LTBP1: variants seen among roughly 807,000 people sequenced by gnomAD.
LTBP1 encodes the protein latent-transforming growth factor beta-binding protein 1.
Under a neutral mutation model 207.6 loss-of-function variants are expected in LTBP1, and 129 were observed. The ratio of observed to expected loss-of-function variants is 0.62; its 90% CI spans 0.54 to 0.72. The LOEUF (loss-of-function observed/expected upper bound fraction) is 0.72. Ranked by LOEUF, LTBP1 falls within the 30% of genes least tolerant of loss-of-function variation. The pLI is 0.00. For synonymous variants in LTBP1, 963 were observed against 833.7 expected, an observed-to-expected ratio of 1.16 and a Z score of -2.67; for missense variants, 2,281 against 2,217.2, an observed-to-expected ratio of 1.03 and a Z score of -0.58.
chr2:32,947,347 G>T lies in LTBP1; in HGVS notation c.23G>T (p.Trp8Leu). The T allele has an allele frequency of 7.9e-7, 1 of 1,262,974 alleles. No individual in the cohort carries two copies. Among genetic ancestry groups the T allele is most frequent in the South Asian group, 2.7e-5 (1 of 37,144 alleles). The allele number at this position is 1,262,974 out of a possible 1,614,324, so 78.2% of individuals were successfully genotyped here. Residue 8 changes from tryptophan to leucine, a missense_variant, in exon 1 of 34, where the codon TGG (tryptophan) becomes TTG (leucine). Coordinates refer to ENST00000404816, the MANE Select transcript of LTBP1 (RefSeq NM_206943.4). The stretch of plus-strand genomic sequence containing the variant: ...GCGATGGCGGGGGCCTGGCTCAGGT[G>T]GGGGCTCCTGCTCTGGGCAGGGCTC... MAGAWLR[W>L]GLLLWAGLLA...
intron 3 of LTBP1, among the ~76,000 whole-genome samples, chr2:33,064,546 G>A (rs1253678151): frequency 2.0e-5 from 3 of 152,192 alleles, no homozygotes; most frequent in Non-Finnish European, 2.9e-5. Context: ...TCGTGTAGTA[G>A]GTTTGTGTCG....
At chr2:33,041,913 A>T (rs950981289) in intron 3 of LTBP1, among the ~76,000 whole-genome samples, 2 of 152,180 alleles carry the variant, frequency 1.3e-5, no homozygotes, top group Admixed American at 1.3e-4. Context: ...CCTTTACAGG[A>T]TACTACCAAA....
chr2:32,965,860 A>G (rs994819749), intron 2 of LTBP1, among the ~76,000 whole-genome samples: 3 of 152,204 alleles, frequency 2.0e-5, no homozygotes, highest in East Asian at 3.8e-4. Flanking sequence ...TGATTCCTGA[A>G]CTGTATAGTA....
At chr2:33,155,091 A>T (rs999885516) in intron 5 of LTBP1, among the ~76,000 whole-genome samples, 6 of 152,074 alleles carry the variant, frequency 3.9e-5, no homozygotes, top group African/African-American at 7.2e-5. Context: ...AAGTTGAACT[A>T]ATTAGTTTTC....
chr2:33,252,851 C>T lies in LTBP1; in HGVS notation c.2167+7C>T, dbSNP rs766117412. 5.0e-6 allele frequency: 8 copies of T among 1,596,386 alleles called. No individual in the cohort carries two copies. The highest frequency in any genetic ancestry group is 6.0e-6 in the Non-Finnish European group (7 of 1,167,542). ...TGTCCCCTTCCAGGCACAGGTAAGACATGCCCAGCTGTATGCGCACATAGA... is the reference window on the plus strand; with the variant it reads ...TGTCCCCTTCCAGGCACAGGTAAGATATGCCCAGCTGTATGCGCACATAGA... On this transcript the variant is annotated splice_region_variant and intron_variant, in intron 11 of 33. Transcript: ENST00000404816.
At position 33,252,770 on chromosome 2, in the gene LTBP1, C is replaced by G; in HGVS notation, c.2093C>G (p.Thr698Ser). 6.2e-7 allele frequency: 1 copy of G among 1,614,060 alleles called. No homozygotes were observed. Among genetic ancestry groups the G allele is most frequent in the Non-Finnish European group, 8.5e-7 (1 of 1,179,972 alleles). Reference sequence around the variant, plus strand: ...ATGCACCCTCTGTCTGTTCACCTCACCAAGCAGCTCTGCTGTTGTAGTGTG... The same window carrying G: ...ATGCACCCTCTGTCTGTTCACCTCAGCAAGCAGCTCTGCTGTTGTAGTGTG... ...QCMHPLSVHL[T>S]KQLCCCSVGK... The change falls in exon 11 of 34, where the codon ACC becomes AGC. Residue 698 changes from threonine (T) to serine (S), a missense_variant. Thr to Ser is a moderately conservative substitution (Grantham distance 58). Transcript: ENST00000404816.
At chr2:33,003,129 G>A (rs1180035349) in intron 2 of LTBP1, among the ~76,000 whole-genome samples, 2 of 152,286 alleles carry the variant, frequency 1.3e-5, no homozygotes, top group East Asian at 1.9e-4. Flanking sequence ...AAATGGGGTC[G>A]TATCATAGAA....
chr2:33,074,017 T>G (rs577886426), intron 3 of LTBP1, among the ~76,000 whole-genome samples: 8 of 152,204 alleles, frequency 5.3e-5, no homozygotes, highest in African/African-American at 1.7e-4. Flanking sequence ...TTTTGCCACT[T>G]TTTCCATTAG....
chr2:33,042,311 A>G (rs78464540), intron 3 of LTBP1, among the ~76,000 whole-genome samples: 1,776 of 152,334 alleles, frequency 0.012, 40 homozygotes, highest in African/African-American at 0.04. Context: ...GCTTCAAACA[A>G]CATGCTCTAG....
chr2:33,365,183 C>A, intron 30 of LTBP1, 150 bp from the exon 31 acceptor site: 1 of 650,660 alleles, frequency 1.5e-6, no homozygotes. Context: ...GAGAATTGAT[C>A]CATTGAAAGA....
intron 5 of LTBP1, among the ~76,000 whole-genome samples, chr2:33,135,923 G>C (rs566495814): frequency 6.6e-6 from 1 of 152,318 alleles, no homozygotes; most frequent in African/African-American, 2.4e-5. Context: ...GCTAGATCTG[G>C]TCTTTTTATG....
chr2:33,396,499 G>A (rs2095359540), intron 32 of LTBP1, among the ~76,000 whole-genome samples: 2 of 152,330 alleles, frequency 1.3e-5, no homozygotes, highest in South Asian at 4.1e-4. Flanking sequence ...TGGGATTATA[G>A]GCATGAGCCC....
At chr2:33,318,232 T>G (rs112256214) in intron 24 of LTBP1, among the ~76,000 whole-genome samples, 1,587 of 152,256 alleles carry the variant, frequency 0.01, 20 homozygotes, top group African/African-American at 0.036. Context: ...CTGGGATAGA[T>G]AGCTGGGAGA....
At chr2:33,262,373 T>C (rs2093039313) in intron 13 of LTBP1, among the ~76,000 whole-genome samples, 1 of 152,182 alleles carries the variant, frequency 6.6e-6, no homozygotes, top group Non-Finnish European at 1.5e-5. Context: ...TAGTCCTCGT[T>C]GGGGGTTAGT....
intron 24 of LTBP1, among the ~76,000 whole-genome samples, chr2:33,342,556 G>A (rs2094641462): frequency 6.6e-6 from 1 of 152,226 alleles, no homozygotes; most frequent in Admixed American, 6.5e-5. Flanking sequence ...AGGTAATACT[G>A]GGCGTGGCAC....
chr2:33,284,953 C>G (rs899036876), intron 19 of LTBP1, among the ~76,000 whole-genome samples: 1 of 152,098 alleles, frequency 6.6e-6, no homozygotes, highest in Non-Finnish European at 1.5e-5. Flanking sequence ...CAACTATTAC[C>G]CTCCTCTATA....
chr2:33,031,390 A>G (rs1311292208), intron 3 of LTBP1, among the ~76,000 whole-genome samples: 3 of 152,236 alleles, frequency 2.0e-5, no homozygotes, highest in South Asian at 4.1e-4. Context: ...CAGATTCTCA[A>G]TAGTTGATTC....
At chr2:33,263,073 A>G (rs1031921524) in intron 14 of LTBP1, among the ~76,000 whole-genome samples, 2 of 152,056 alleles carry the variant, frequency 1.3e-5, no homozygotes, top group African/African-American at 4.8e-5. Context: ...ACATTATTGA[A>G]GGTTATCATT....
intron 20 of LTBP1, among the ~76,000 whole-genome samples, chr2:33,293,660 A>G (rs1422907927): frequency 6.6e-6 from 1 of 152,264 alleles, no homozygotes; most frequent in African/African-American, 2.4e-5. Flanking sequence ...AATTGATATG[A>G]AAGTAACCAA....
Sources: gnomAD v4.1 joint callset for allele counts (sites outside exome capture counted in the v4.1 genomes callset) on GRCh38, gnomAD v4.1.1 for gene constraint, MANE v1.5 for transcripts, NCBI Gene and HGNC (gene_info 2026-07-23, HGNC 2026-07-21) for gene names.